The following ABCA13 variants were observed in gnomAD, a reference collection of about 807,000 sequenced individuals.
ABCA13 encodes the protein ATP-binding cassette sub-family A member 13.
A neutral mutation model predicts 478.7 loss-of-function variants in ABCA13; 476 were observed. That is an observed-to-expected ratio of 0.99 (90% CI 0.92 to 1.07). ABCA13 has a LOEUF of 1.07. Ranked by LOEUF, ABCA13 falls within the 50% of genes least tolerant of loss-of-function variation. ABCA13 has a pLI of 0.00. For missense variants in ABCA13, 6,060 were observed against 5,910.6 expected, an observed-to-expected ratio of 1.03 and a Z score of -0.83; for synonymous variants, 2,252 against 2,158.9, an observed-to-expected ratio of 1.04 and a Z score of -1.20.
chr7:48,328,093 C>T (rs1804602461), intron 27 of ABCA13, among the ~76,000 whole-genome samples: 1 of 152,262 alleles, frequency 6.6e-6, no homozygotes, highest in South Asian at 2.1e-4. Flanking sequence ...ATTCTTGGTT[C>T]CATGATAATT....
rs115322392 is a variant in ABCA13, at chr7:48,214,016, A to G, written c.288-5338A>G. On this transcript the variant is annotated intron_variant, in intron 3 of 61. Transcript: ENST00000435803. ...CATCCATAAATTTGAATCACTATCT[A>G]TGACTCTATAGCTTTATGAAATTCA... is the stretch of plus-strand genomic sequence containing the variant. Among the ~76,000 whole-genome samples, 94 of 152,320 alleles carry G rather than the reference A, an allele frequency of 6.2e-4. 1 individual carries two copies. The highest frequency in any genetic ancestry group is 2.1e-3 in the African/African-American group (88 of 41,582).
chr7:48,353,144 C>T (rs1272084431), intron 31 of ABCA13, among the ~76,000 whole-genome samples: 3 of 151,676 alleles, frequency 2.0e-5, no homozygotes, highest in Admixed American at 6.6e-5. Flanking sequence ...GCTCAGTGAA[C>T]CTGAGGGTGA....
intron 54 of ABCA13, among the ~76,000 whole-genome samples, chr7:48,526,016 G>T (rs572275614): frequency 6.6e-6 from 1 of 151,986 alleles, no homozygotes; most frequent in Non-Finnish European, 1.5e-5. Flanking sequence ...CTTCCTTGTG[G>T]GTGTGGGGCA....
chr7:48,286,587 C>A (rs937220358), intron 19 of ABCA13, among the ~76,000 whole-genome samples: 1 of 152,084 alleles, frequency 6.6e-6, no homozygotes, highest in Admixed American at 6.6e-5. Flanking sequence ...TCATTGCAAC[C>A]TCTACCTCCT....
intron 29 of ABCA13, among the ~76,000 whole-genome samples, chr7:48,344,907 A>G (rs954195886): frequency 1.1e-4 from 16 of 152,308 alleles, no homozygotes; most frequent in African/African-American, 3.4e-4. Flanking sequence ...CCCAACAAAG[A>G]TATTGCTTCT....
In ABCA13 at chr7:48,288,097, T is replaced by C. The variant is rs745538034; in HGVS notation, c.8955+19T>C. The C allele has an allele frequency of 4.4e-6, 7 of 1,599,350 alleles. No homozygotes were observed. The Admixed American group carries it at 1.2e-4, about 27-fold the overall frequency. Reference sequence around the variant, plus strand: ...CTTCCAGGTTTGTCGTCTTTAATATTTCAGAGAATTTCATGTTCATGACTA... The same window carrying C: ...CTTCCAGGTTTGTCGTCTTTAATATCTCAGAGAATTTCATGTTCATGACTA... On this transcript the variant is annotated intron_variant, in intron 20 of 61. Coordinates refer to ENST00000435803, the MANE Select transcript of ABCA13 (RefSeq NM_152701.5).
chr7:48,314,482 A>G lies in ABCA13; in HGVS notation c.9859+73A>G, dbSNP rs531432491. The G allele has an allele frequency of 1.4e-5, 19 of 1,315,310 alleles. No individual in the cohort carries two copies. In the Admixed American group the frequency reaches 3.1e-4, roughly 21 times the overall value. 81.5% of individuals were successfully genotyped at this position (1,315,310 alleles called of 1,614,324 possible). ...TTGATAATTGGCCTTAAATTATAGT[A>G]AGTATTCTGTCTGTGTATAAGGTTG... On this transcript the variant is annotated intron_variant, in intron 26 of 61. Transcript: ENST00000435803.
intron 58 of ABCA13, among the ~76,000 whole-genome samples, chr7:48,597,687 G>A (rs570891812): frequency 1.3e-5 from 2 of 152,188 alleles, no homozygotes; most frequent in African/African-American, 2.4e-5. Context: ...AAGGACTAAC[G>A]CTGTTAGAAT....
rs763159026 is a variant in ABCA13, at chr7:48,279,838, C to T, written c.8644C>T (p.Pro2882Ser). ...GATTGACTTTCCTTATAGTTTCAAA[C>T]CATTTTTCTGTTTGGAGAAATACCT... Reference protein sequence around the residue: ...EMIDFPYSFKPFFCLEKYLGG... With the variant: ...EMIDFPYSFKSFFCLEKYLGG... The change falls in exon 18 of 62, where the codon CCA becomes TCA. Residue 2882 changes from proline to serine, a missense_variant. Physicochemically the swap from Pro to Ser is moderately conservative, Grantham distance 74 (BLOSUM62 -1). This residue lies in a region of ABCA13 where 4,423 missense variants were observed against 4,309.1 expected (regional missense o/e 1.03). Transcript: ENST00000435803. 3.2e-6 allele frequency: 5 copies of T among 1,576,702 alleles called. No individual in the cohort carries two copies. The highest frequency in any genetic ancestry group is 1.9e-5 in the Admixed American group (1 of 52,056).
At chr7:48,602,112 T>C (rs900403855) in intron 58 of ABCA13, among the ~76,000 whole-genome samples, 4 of 152,238 alleles carry the variant, frequency 2.6e-5, no homozygotes, top group African/African-American at 7.2e-5. Context: ...CTTTGTAGAT[T>C]CTGGATATTA....
chr7:48,632,060 C>T (rs927067113), intron 59 of ABCA13, among the ~76,000 whole-genome samples: 3 of 152,092 alleles, frequency 2.0e-5, no homozygotes, highest in African/African-American at 7.2e-5. Flanking sequence ...GTCCAGGAGT[C>T]TTCTGGAGGA....
At chr7:48,612,073 A>G (rs1161286472) in intron 58 of ABCA13, 1 of 152,148 alleles carries the variant, frequency 6.6e-6, no homozygotes, top group Non-Finnish European at 1.5e-5. Flanking sequence ...TGGGCTGTGC[A>G]TCATCAGGCC....
rs990141335 is a variant in ABCA13 at position 48,275,317 on chromosome 7, G to A, written c.5651G>A (p.Arg1884Lys). The A allele has an allele frequency of 6.2e-7, 1 of 1,613,882 alleles. No individual in the cohort carries two copies. The change falls in exon 17 of 62, where the codon AGG becomes AAG. Residue 1884 changes from arginine to lysine, a missense_variant. Physicochemically the swap from Arg to Lys is conservative, Grantham distance 26 (BLOSUM62 2). Around this residue, in one of 3 missense-constraint regions of ABCA13, gnomAD observed 4,423 missense variants for 4,309.1 expected, o/e 1.03. Coordinates refer to ENST00000435803, the MANE Select transcript of ABCA13 (RefSeq NM_152701.5). Reference protein sequence around the residue: ...SNESSRMEITRKVVCIIHELV... With the variant: ...SNESSRMEITKKVVCIIHELV... ...GAAAGCTCCCGAATGGAAATAACTA[G>A]GAAAGTGGTCTGCATAATTCATGAA...
chr7:48,325,825 A>G (rs1804241257), intron 27 of ABCA13, among the ~76,000 whole-genome samples: 1 of 152,234 alleles, frequency 6.6e-6, no homozygotes, highest in Non-Finnish European at 1.5e-5. Flanking sequence ...CAGAACTACA[A>G]GTGACTTCCC....
chr7:48,361,951 A>T (rs1207118131), intron 31 of ABCA13, among the ~76,000 whole-genome samples: 1 of 152,020 alleles, frequency 6.6e-6, no homozygotes, highest in Non-Finnish European at 1.5e-5. Context: ...AAAATACAAA[A>T]ATTGCATTAT....
chr7:48,584,680 G>T (rs558354239), intron 56 of ABCA13, among the ~76,000 whole-genome samples: 1 of 152,234 alleles, frequency 6.6e-6, no homozygotes, highest in Admixed American at 6.5e-5. Context: ...TCATGTTTTT[G>T]TTAATCTTTC....
chr7:48,453,447 AGTCTTCT>A, intron 42 of ABCA13, among the ~76,000 whole-genome samples: 1 of 152,292 alleles, frequency 6.6e-6, no homozygotes, highest in Admixed American at 6.5e-5. Context: ...TGGGTTTGGA[AGTCTTCT>A]GTCCAGCACA....
In ABCA13 at chr7:48,350,522, A is replaced by G. The variant is rs980395636; in HGVS notation, c.10205-121A>G. ...GACCAAAATTTGACTCTTTTGAGCA[A>G]TTTTTTAGTGGAAGAATTCATATTC... On this transcript the variant is annotated intron_variant, in intron 29 of 61. Transcript: ENST00000435803. The G allele has an allele frequency of 2.8e-5, 35 of 1,269,208 alleles. 1 individual carries two copies. In the South Asian group the frequency reaches 5.8e-4, roughly 21 times the overall value. 78.6% of individuals were successfully genotyped at this position (1,269,208 alleles called of 1,614,324 possible). A position where few individuals can be genotyped will look rare whatever the true frequency, so the allele number is the denominator to read the frequency against.
rs1035301536 is a variant in ABCA13, at chr7:48,613,640, T to G, written c.14745-1645T>G. ...GTAACATCTTGTTCCTTGTAATTCT[T>G]TAGTGTATTACTGAATTGCAATTAT... On this transcript the variant is annotated intron_variant, in intron 58 of 61. Transcript: ENST00000435803. Among the ~76,000 whole-genome samples the G allele has an allele frequency of 1.3e-4, 20 of 151,180 alleles. 2 individuals carry two copies. The highest frequency in any genetic ancestry group is 1.3e-4 in the Admixed American group (2 of 14,936).
Sources: gnomAD v4.1 joint callset for allele counts (sites outside exome capture counted in the v4.1 genomes callset) on GRCh38, gnomAD v4.1.1 for gene constraint, gnomAD v4.1.1 regional missense constraint, MANE v1.5 for transcripts, NCBI Gene and HGNC (gene_info 2026-07-23, HGNC 2026-07-21) for gene names.